Variants in GCNT4 observed in about 807,000 individuals in gnomAD.
GCNT4 encodes the protein beta-1,3-galactosyl-O-glycosyl-glycoprotein beta-1,6-N-acetylglucosaminyltransferase 4.
Under a neutral mutation model 31.3 loss-of-function variants are expected in GCNT4, and 17 were observed. The ratio of observed to expected loss-of-function variants is 0.54; its 90% CI spans 0.37 to 0.81. GCNT4 has a LOEUF of 0.81. Ranked by LOEUF, GCNT4 falls within the 40% of genes least tolerant of loss-of-function variation. The pLI, the probability that GCNT4 is intolerant of heterozygous loss-of-function variation, is 0.00. For missense variants in GCNT4, 503 were observed against 525.5 expected (o/e 0.96, Z 0.42); for synonymous variants, 158 against 190.6 (o/e 0.83, Z 1.41).
chr5:75,042,876 C>A (rs574314549), intron 3 of GCNT4, among the ~76,000 whole-genome samples: 90 of 152,194 alleles, frequency 5.9e-4, no homozygotes, highest in African/African-American at 2.0e-3. Context: ...ATCTTGTGTG[C>A]ATATTAGACA....
chr5:75,042,975 A>G (rs1743352983), intron 3 of GCNT4, among the ~76,000 whole-genome samples: 1 of 152,236 alleles, frequency 6.6e-6, no homozygotes, highest in Non-Finnish European at 1.5e-5. Flanking sequence ...TTCCGCCACA[A>G]TAGGAATTTC....
rs147455263 is a variant in GCNT4, at chr5:75,029,074, G to C, written c.964C>G (p.Gln322Glu). The change falls in exon 4 of 4, where the codon CAA becomes GAA. Residue 322 changes from glutamine (Q) to glutamate (E), a missense_variant. By Grantham distance (29) the Gln-to-Glu change is conservative (BLOSUM62 2). Transcript: ENST00000652361. The stretch of plus-strand genomic sequence containing the variant: ...TCTTTAGACCAGGCAAAAAAGTCTT[G>C]AACGATGGAGTTGTTGAAAATATAT... ...VKYIFNNSIV[Q>E]DFFAWSKDTY... The C allele has an allele frequency of 9.9e-6, 16 of 1,614,008 alleles. No individual in the cohort carries two copies. The highest frequency in any genetic ancestry group is 1.3e-5 in the Non-Finnish European group (15 of 1,180,016).
intron 3 of GCNT4, among the ~76,000 whole-genome samples, chr5:75,035,732 A>G (rs1247575613): frequency 6.6e-6 from 1 of 152,192 alleles, no homozygotes; most frequent in African/African-American, 2.4e-5. Context: ...CCTGGGATGC[A>G]GCTCCCAGAG....
At chr5:75,043,599 G>A (rs777842650) in intron 3 of GCNT4, among the ~76,000 whole-genome samples, 3 of 151,950 alleles carry the variant, frequency 2.0e-5, no homozygotes, top group Admixed American at 1.3e-4. Context: ...TAGAATTGTT[G>A]CACCCACCTT....
chr5:75,027,586 A>C lies in GCNT4; in HGVS notation c.*1090T>G, dbSNP rs544152131. ...TAAGCTGAGAAAAAGACTGCAAGAA[A>C]CTTAGAGCTTTTATCACTTTAAATC... On this transcript the variant is annotated 3_prime_UTR_variant, in exon 4 of 4. Transcript: ENST00000652361. 1.3e-5 allele frequency: 2 copies of C among 152,206 alleles called. No homozygotes were observed. Among genetic ancestry groups the C allele is most frequent in the African/African-American group, 4.8e-5 (2 of 41,414 alleles). The allele number at this position is 152,206 out of a possible 1,614,324, so 9.4% of individuals were successfully genotyped here. A position where few individuals can be genotyped will look rare whatever the true frequency, so the allele number is the denominator to read the frequency against.
At chr5:75,023,403 CAATT>C (rs1467674683), downstream of GCNT4, among the ~76,000 whole-genome samples, 10 of 152,056 alleles carry the variant, frequency 6.6e-5, no homozygotes, top group African/African-American at 2.4e-4. Flanking sequence ...GAAAAACAAT[CAATT>C]AAAAACTCCA....
chr5:75,032,224 G>T (rs1228020690), intron 3 of GCNT4, among the ~76,000 whole-genome samples: 1 of 152,042 alleles, frequency 6.6e-6, no homozygotes, highest in Non-Finnish European at 1.5e-5. Flanking sequence ...CTCTTCTCCT[G>T]CATACTTGCC....
chr5:75,036,846 C>T (rs1404532473), intron 3 of GCNT4, among the ~76,000 whole-genome samples: 2 of 152,222 alleles, frequency 1.3e-5, no homozygotes, highest in Non-Finnish European at 2.9e-5. Context: ...ATCCTGTCAC[C>T]AATGACTATC....
At chr5:75,050,830 A>T (rs1182532558) in intron 2 of GCNT4, among the ~76,000 whole-genome samples, 1 of 152,142 alleles carries the variant, frequency 6.6e-6, no homozygotes, top group South Asian at 2.1e-4. Context: ...GCACTACCTC[A>T]GTCTCAACTG....
chr5:75,047,033 T>A (rs1327872452), intron 3 of GCNT4, among the ~76,000 whole-genome samples: 1 of 152,204 alleles, frequency 6.6e-6, no homozygotes, highest in Non-Finnish European at 1.5e-5. Flanking sequence ...TTCTCCCAGT[T>A]AACTACCCTA....
At chr5:75,023,379 TAACA>T (rs1742903170), downstream of GCNT4, among the ~76,000 whole-genome samples, 1 of 152,184 alleles carries the variant, frequency 6.6e-6, no homozygotes, top group Non-Finnish European at 1.5e-5. Flanking sequence ...AGTTGATTTA[TAACA>T]AACATACATG....
chr5:75,034,919 G>A (rs376472375), intron 3 of GCNT4, among the ~76,000 whole-genome samples: 2 of 151,958 alleles, frequency 1.3e-5, no homozygotes, highest in East Asian at 3.9e-4. Flanking sequence ...AAGCGGACAC[G>A]ACCGCATTCA....
intron 3 of GCNT4, among the ~76,000 whole-genome samples, chr5:75,039,851 T>C (rs1037943502): frequency 1.1e-4 from 17 of 152,174 alleles, no homozygotes; most frequent in African/African-American, 4.1e-4. Flanking sequence ...ATCAGATCAC[T>C]TCCCCTCCCT....
chr5:75,046,890 CAGG>C (rs1404751653), intron 3 of GCNT4, among the ~76,000 whole-genome samples: 1 of 152,220 alleles, frequency 6.6e-6, no homozygotes, highest in Non-Finnish European at 1.5e-5. Context: ...TTCTTAGATG[CAGG>C]AGATGAAATC....
rs1056814364 is a variant in GCNT4, at chr5:75,025,791, C to T, written c.*2885G>A. 1 of 152,144 alleles carries T rather than the reference C, an allele frequency of 6.6e-6. No individual in the cohort carries two copies. Among genetic ancestry groups the T allele is most frequent in the African/African-American group, 2.4e-5 (1 of 41,430 alleles). 9.4% of individuals were successfully genotyped at this position (152,144 alleles called of 1,614,324 possible). A position where few individuals can be genotyped will look rare whatever the true frequency, so the allele number is the denominator to read the frequency against. On this transcript the variant is annotated 3_prime_UTR_variant, in exon 4 of 4. Transcript: ENST00000652361. ...ACGTCTAATATCCCAAGAGATTGTTCACACAATATAGACTATTTTGGTAGC... is the reference window on the plus strand; with the variant it reads ...ACGTCTAATATCCCAAGAGATTGTTTACACAATATAGACTATTTTGGTAGC...
chr5:75,032,875 GT>G (rs57976417), intron 3 of GCNT4, among the ~76,000 whole-genome samples: 16,280 of 60,362 alleles, frequency 0.27, 1,084 homozygotes, highest in African/African-American at 0.38. Context: ...AAATAGGGGT[GT>G]GTGTGTGTGT....
At chr5:75,022,923 G>A (rs1290828488), downstream of GCNT4, among the ~76,000 whole-genome samples, 1 of 152,162 alleles carries the variant, frequency 6.6e-6, no homozygotes, top group African/African-American at 2.4e-5. Context: ...ATGGGGAGAA[G>A]GCAAGCTAGG....
At chr5:75,045,259 ACT>A (rs1236473550) in intron 3 of GCNT4, among the ~76,000 whole-genome samples, 4 of 152,066 alleles carry the variant, frequency 2.6e-5, no homozygotes, top group African/African-American at 9.7e-5. Context: ...TCCAACTGAA[ACT>A]CTATACAAAT....
At chr5:75,039,322 G>C (rs1006819478) in intron 3 of GCNT4, among the ~76,000 whole-genome samples, 1 of 152,156 alleles carries the variant, frequency 6.6e-6, no homozygotes, top group African/African-American at 2.4e-5. Context: ...TCGAACTCTT[G>C]ACCTCAGGTG....
Sources: gnomAD v4.1 joint callset for allele counts (sites outside exome capture counted in the v4.1 genomes callset) on GRCh38, gnomAD v4.1.1 for gene constraint, MANE v1.5 for transcripts, NCBI Gene and HGNC (gene_info 2026-07-23, HGNC 2026-07-21) for gene names.